Variants in CFAP46 observed in about 807,000 individuals in gnomAD.
The protein encoded by CFAP46 is cilia- and flagella-associated protein 46.
A neutral mutation model predicts 325.7 loss-of-function variants in CFAP46; 245 were observed. That is an observed-to-expected ratio of 0.75 (90% CI 0.68 to 0.84). The LOEUF (loss-of-function observed/expected upper bound fraction) is 0.84. Among genes scored for constraint, CFAP46 ranks in the 40% least tolerant of loss-of-function variants. The pLI is 0.00. For synonymous variants in CFAP46, 1,523 were observed against 1,495.9 expected, an observed-to-expected ratio of 1.02 and a Z score of -0.42; for missense variants, 3,346 against 3,543.0, an observed-to-expected ratio of 0.94 and a Z score of 1.41.
intron 34 of CFAP46, among the ~76,000 whole-genome samples, chr10:132,866,609 C>T (rs1848816287): frequency 2.6e-5 from 4 of 152,076 alleles, no homozygotes; most frequent in African/African-American, 9.7e-5. Context: ...AGCCCCTGCA[C>T]TAGGATCTGG....
rs1403719685 is a variant in CFAP46 at position 132,922,543 on chromosome 10, C to T, written c.1422G>A (p.Leu474=). The T allele has an allele frequency of 9.0e-6, 14 of 1,547,932 alleles. No individual in the cohort carries two copies. Among genetic ancestry groups the T allele is most frequent in the African/African-American group, 1.4e-5 (1 of 73,150 alleles). The stretch of plus-strand genomic sequence containing the variant: ...CAGGGGCCTGGTATAGCGTGGTGCA[C>T]AGACGCAGCCGGGTGGAGGCCATCT... ...RIQMASTRLR[L]CTTLYQAPER... Residue 474 remains leucine, a synonymous_variant, in exon 12 of 58, where the codon CTG becomes CTA. Coordinates refer to ENST00000368586, the MANE Select transcript of CFAP46 (RefSeq NM_001200049.3).
At chr10:132,904,500 T>C (rs751680941) in intron 22 of CFAP46, among the ~76,000 whole-genome samples, 19 of 152,272 alleles carry the variant, frequency 1.2e-4, no homozygotes, top group Non-Finnish European at 2.6e-4. Flanking sequence ...CAGTCTCATA[T>C]GACTTCTCCT....
intron 22 of CFAP46, among the ~76,000 whole-genome samples, chr10:132,907,029 A>T (rs1849466724): frequency 6.6e-6 from 1 of 152,256 alleles, no homozygotes. Context: ...GCATCTTGGC[A>T]CGTTCCTATG....
intron 50 of CFAP46, among the ~76,000 whole-genome samples, chr10:132,821,594 C>A (rs1420253217): frequency 7.2e-5 from 8 of 110,882 alleles, no homozygotes; most frequent in Non-Finnish European, 1.2e-4. Flanking sequence ...TGTGTGTGTG[C>A]TGTGTGCTGT....
rs1283744015 is a variant in CFAP46 at position 132,851,224 on chromosome 10, G to A, written c.5656C>T (p.Gln1886Ter). 1 of 1,614,118 alleles carries A rather than the reference G, an allele frequency of 6.2e-7. No homozygotes were observed. Among genetic ancestry groups the A allele is most frequent in the Non-Finnish European group, 8.5e-7 (1 of 1,180,048 alleles). ...CCGTGGGCCTCCTCCCAGATGAACT[G>A]GAGCATGTCCAGAGCCATTTCCACG... is the stretch of plus-strand genomic sequence containing the variant. ...GLVEMALDML[Q>*]FIWEEAHGQQ... Residue 1886 changes from glutamine to a stop codon, truncating the protein, a stop_gained, in exon 40 of 58, where the codon CAG becomes TAG. Coordinates refer to ENST00000368586, the MANE Select transcript of CFAP46 (RefSeq NM_001200049.3). LOFTEE classifies it high-confidence loss of function.
chr10:132,923,418 G>C (rs1296793584), intron 11 of CFAP46, among the ~76,000 whole-genome samples: 1 of 133,914 alleles, frequency 7.5e-6, no homozygotes, highest in South Asian at 2.5e-4. Context: ...GGAACCCCTG[G>C]CCTTGAGCAG....
At chr10:132,873,718 G>A (rs534498600) in intron 31 of CFAP46, among the ~76,000 whole-genome samples, 4 of 152,122 alleles carry the variant, frequency 2.6e-5, no homozygotes, top group Admixed American at 6.5e-5. Flanking sequence ...GGGGCCGTGC[G>A]GGTGGCCTGG....
At position 132,941,458 on chromosome 10, in the gene CFAP46, G is replaced by T. The variant is rs12260364; in HGVS notation, c.306+133C>A. ...ATGGACAGGAAATGGTGCAAGTTTC[G>T]TGTCACTCTGGAAAGGAATTCCTTC... On this transcript the variant is annotated intron_variant, in intron 3 of 57. Transcript: ENST00000368586. 16 of 1,218,998 alleles carry T rather than the reference G, an allele frequency of 1.3e-5. 1 individual carries two copies. Among genetic ancestry groups the T allele is most frequent in the Non-Finnish European group, 1.8e-5 (16 of 873,148 alleles). 75.5% of individuals were successfully genotyped at this position (1,218,998 alleles called of 1,614,324 possible). A position where few individuals can be genotyped will look rare whatever the true frequency, so the allele number is the denominator to read the frequency against.
intron 8 of CFAP46, among the ~76,000 whole-genome samples, chr10:132,933,335 C>T (rs961949105): frequency 3.3e-5 from 5 of 152,310 alleles, no homozygotes; most frequent in African/African-American, 9.6e-5. Flanking sequence ...AGAGAGAATC[C>T]GTAAAAGTGC....
At chr10:132,830,481 C>T (rs756248543) in intron 50 of CFAP46, among the ~76,000 whole-genome samples, 2 of 152,194 alleles carry the variant, frequency 1.3e-5, no homozygotes, top group Non-Finnish European at 2.9e-5. Context: ...ACTAAAGATT[C>T]TATTACTTTA....
chr10:132,926,131 T>C lies in CFAP46; in HGVS notation c.1065+437A>G, dbSNP rs544667965. On this transcript the variant is annotated intron_variant, in intron 10 of 57. Transcript: ENST00000368586. ...ACAGAGGTGGGTCAAGTGCCTGTAA[T>C]TGGCACCTGACGCCAGGGCCGGCGG... 1.2e-4 allele frequency among the ~76,000 whole-genome samples: 19 copies of C among 152,352 alleles called. 1 individual carries two copies. The highest frequency in any genetic ancestry group is 6.8e-3 in the Middle Eastern group (2 of 294).
rs1424519940 is a variant in CFAP46 at position 132,832,533 on chromosome 10, C to T, written c.7117+825G>A. ...TGTTTGAAAACCCTCATTTCATGTG[C>T]TTTTCTCTGGTTTTTATTTGTCTCA... On this transcript the variant is annotated intron_variant, in intron 50 of 57. Coordinates refer to ENST00000368586, the MANE Select transcript of CFAP46 (RefSeq NM_001200049.3). The surrounding 1 kb of genome is among the most constrained non-coding windows in gnomAD (Gnocchi z 4.1). 1.8e-5 allele frequency: 6 copies of T among 329,748 alleles called. No individual in the cohort carries two copies. The highest frequency in any genetic ancestry group is 1.3e-4 in the African/African-American group (6 of 45,842). The allele number at this position is 329,748 out of a possible 1,614,324, so 20.4% of individuals were successfully genotyped here. A position where few individuals can be genotyped will look rare whatever the true frequency, so the allele number is the denominator to read the frequency against.
At chr10:132,811,518 C>T (rs75841791) in intron 55 of CFAP46, among the ~76,000 whole-genome samples, 6,911 of 152,230 alleles carry the variant, frequency 0.045, 194 homozygotes, top group Non-Finnish European at 0.067. Flanking sequence ...AGGGGAGCCC[C>T]GGGCACTGGG....
intron 22 of CFAP46, among the ~76,000 whole-genome samples, chr10:132,899,962 G>A (rs1021071319): frequency 2.0e-5 from 3 of 152,196 alleles, no homozygotes; most frequent in African/African-American, 7.2e-5. Context: ...CAACCACGGA[G>A]CTGGCAGTCA....
At chr10:132,885,671 G>C (rs1263522630) in intron 26 of CFAP46, 150 bp downstream of exon 26, 3 of 763,958 alleles carry the variant, frequency 3.9e-6, no homozygotes, top group Non-Finnish European at 6.3e-6. Flanking sequence ...AGCAGGTGGT[G>C]GGGGGAGCAC....
At position 132,877,949 on chromosome 10, in the gene CFAP46, CCTT is replaced by C. The variant is rs776646870; in HGVS notation, c.4141_4143del (p.Lys1381del). The C allele has an allele frequency of 9.0e-5, 139 of 1,549,444 alleles. No homozygotes were observed. The Middle Eastern group carries it at 1.3e-3, about 15-fold the overall frequency. ...TCCTTCTCTTTACTCCTCTCATTCT[CCTT>C]CTCTTTACTCCTCTCCTTCTCCTTC... On this transcript the variant is annotated inframe_deletion, in exon 30 of 58. Transcript: ENST00000368586. The surrounding 1 kb of genome is among the most constrained non-coding windows in gnomAD (Gnocchi z 5.7).
At position 132,827,230 on chromosome 10, in the gene CFAP46, C is replaced by T. The variant is rs907842386; in HGVS notation, c.7117+6128G>A. ...CGTCAGGGGAAGGCAGGAGGGCGGC[C>T]GGAGGGACCAGCCACAGTTCCGAGA... On this transcript the variant is annotated intron_variant, in intron 50 of 57. Coordinates refer to ENST00000368586, the MANE Select transcript of CFAP46 (RefSeq NM_001200049.3). The surrounding 1 kb of genome is among the most constrained non-coding windows in gnomAD (Gnocchi z 5.7). Among the ~76,000 whole-genome samples, 9 of 152,102 alleles carry T rather than the reference C, an allele frequency of 5.9e-5. No individual in the cohort carries two copies. Among genetic ancestry groups the T allele is most frequent in the Admixed American group, 2.6e-4 (4 of 15,290 alleles).
chr10:132,931,603 A>ACACAGAGGC (rs1433244006), intron 8 of CFAP46, among the ~76,000 whole-genome samples: 1,587 of 90,814 alleles, frequency 0.017, 80 homozygotes, highest in Non-Finnish European at 0.024. Flanking sequence ...GGCCTTCCCC[A>ACACAGAGGC]TACAGAGGCT....
intron 22 of CFAP46, among the ~76,000 whole-genome samples, chr10:132,902,403 C>T (rs112912815): frequency 7.2e-5 from 11 of 152,338 alleles, no homozygotes; most frequent in Admixed American, 3.9e-4. Context: ...CATTCTTCAG[C>T]GTCCAGCCTG....
Sources: allele counts gnomAD v4.1 joint callset (sites outside exome capture counted in the v4.1 genomes callset), GRCh38; gene constraint gnomAD v4.1.1; non-coding constraint Gnocchi (gnomAD v3.1); transcripts MANE v1.5; gene names NCBI Gene and HGNC (gene_info 2026-07-23, HGNC 2026-07-21).